The following MKLN1 variants were observed in gnomAD, a reference collection of about 807,000 sequenced individuals.
MKLN1 encodes the protein muskelin 1, also known as muskelin.
MKLN1 carries 18 observed loss-of-function variants against 99.0 expected under a neutral mutation model. That is an observed-to-expected ratio of 0.18 (90% CI 0.13 to 0.27). The LOEUF (loss-of-function observed/expected upper bound fraction) is 0.27. Ranked by LOEUF, MKLN1 falls within the 10% of genes least tolerant of loss-of-function variation. The probability of loss-of-function intolerance (pLI) is 1.00; values close to 1 mark genes in which losing one functional copy is unlikely to be tolerated. For missense variants in MKLN1, 621 were observed against 875.9 expected, an observed-to-expected ratio of 0.71 and a Z score of 3.67; for synonymous variants, 288 against 293.2, an observed-to-expected ratio of 0.98 and a Z score of 0.18.
intron 2 of MKLN1, among the ~76,000 whole-genome samples, chr7:131,179,037 T>G (rs889961008): frequency 2.0e-5 from 3 of 152,228 alleles, no homozygotes; most frequent in Non-Finnish European, 4.4e-5. Context: ...AAGTAGGAAG[T>G]TTTCTTCTGA....
chr7:131,407,243 T>C (rs141477004), intron 6 of MKLN1, among the ~76,000 whole-genome samples: 138 of 152,182 alleles, frequency 9.1e-4, no homozygotes, highest in Middle Eastern at 6.8e-3. Context: ...TGCCATTTCT[T>C]TTCCAACTAT....
chr7:131,443,929 A>G (rs1446746977), intron 11 of MKLN1, among the ~76,000 whole-genome samples: 2 of 152,140 alleles, frequency 1.3e-5, no homozygotes, highest in Non-Finnish European at 2.9e-5. Context: ...TCTTATGACT[A>G]ATTTCACTGC....
chr7:131,231,889 G>A (rs776113417), intron 3 of MKLN1, among the ~76,000 whole-genome samples: 5 of 151,968 alleles, frequency 3.3e-5, no homozygotes, highest in African/African-American at 4.8e-5. Flanking sequence ...CACAAATGTC[G>A]CAAAATAAAA....
intron 1 of MKLN1, among the ~76,000 whole-genome samples, chr7:131,350,258 G>A (rs1387384531): frequency 6.9e-6 from 1 of 145,790 alleles, no homozygotes; most frequent in East Asian, 2.0e-4. Context: ...TTGGGGTCTC[G>A]CTATGTTGCC....
intron 1 of MKLN1, among the ~76,000 whole-genome samples, chr7:131,362,014 G>A (rs1281692538): frequency 2.0e-5 from 3 of 152,032 alleles, no homozygotes; most frequent in East Asian, 3.9e-4. Context: ...CTCAAGGAAC[G>A]CTTTGTTAAC....
At chr7:131,147,048 A>G (rs550328492) in intron 2 of MKLN1, among the ~76,000 whole-genome samples, 2 of 151,884 alleles carry the variant, frequency 1.3e-5, no homozygotes, top group South Asian at 4.2e-4. Flanking sequence ...TTATTTATTT[A>G]TTTACTTTTA....
chr7:131,263,490 A>C (rs1323462941), intron 3 of MKLN1, among the ~76,000 whole-genome samples: 1 of 151,672 alleles, frequency 6.6e-6, no homozygotes, highest in East Asian at 1.9e-4. Context: ...ATGCCAGTGC[A>C]CTCCAGCCTG....
At chr7:131,244,126 G>T (rs1797449321) in intron 3 of MKLN1, among the ~76,000 whole-genome samples, 1 of 152,026 alleles carries the variant, frequency 6.6e-6, no homozygotes. Flanking sequence ...AAATCGAGTG[G>T]TACCCGATTT....
chr7:131,166,725 G>GC (rs1029833694), intron 2 of MKLN1, among the ~76,000 whole-genome samples: 1 of 152,114 alleles, frequency 6.6e-6, no homozygotes, highest in Non-Finnish European at 1.5e-5. Context: ...CGCTCTTGTT[G>GC]CCCAGGCTGG....
At chr7:131,417,637 ATTCCTCTTCTG>A (rs1795058342) in intron 8 of MKLN1, among the ~76,000 whole-genome samples, 1 of 152,232 alleles carries the variant, frequency 6.6e-6, no homozygotes, top group African/African-American at 2.4e-5. Flanking sequence ...TGGAGGTGGA[ATTCCTCTTCTG>A]TTTTTTTGTT....
At chr7:131,397,444 C>A in intron 5 of MKLN1, 68 bp downstream of exon 5, 1 of 784,486 alleles carries the variant, frequency 1.3e-6, no homozygotes, top group Non-Finnish European at 2.1e-6. Flanking sequence ...CTCTTATCTT[C>A]ATTGAGAATA....
chr7:131,198,729 G>A (rs1480532424), intron 2 of MKLN1, among the ~76,000 whole-genome samples: 1 of 151,984 alleles, frequency 6.6e-6, no homozygotes, highest in East Asian at 1.9e-4. Flanking sequence ...TGAACGGAGA[G>A]GTTTTAAAAA....
chr7:131,335,321 T>C (rs924695554), intron 1 of MKLN1, among the ~76,000 whole-genome samples: 3 of 152,172 alleles, frequency 2.0e-5, no homozygotes, highest in Non-Finnish European at 2.9e-5. Flanking sequence ...AACAAAGATA[T>C]TGTTTGTTTA....
intron 1 of MKLN1, among the ~76,000 whole-genome samples, chr7:131,134,881 T>C (rs1795624293): frequency 1.3e-5 from 2 of 152,202 alleles, no homozygotes; most frequent in African/African-American, 4.8e-5. Flanking sequence ...ATAGTTACTG[T>C]CTTCAGTATC....
intron 16 of MKLN1, among the ~76,000 whole-genome samples, chr7:131,478,012 T>G (rs1037591379): frequency 2.0e-5 from 3 of 152,246 alleles, no homozygotes; most frequent in Admixed American, 1.3e-4. Flanking sequence ...CATTGTCTGT[T>G]TTAAACTAAC....
At chr7:131,298,284 AG>A (rs1798325004) in intron 3 of MKLN1, among the ~76,000 whole-genome samples, 1 of 151,924 alleles carries the variant, frequency 6.6e-6, no homozygotes, top group Admixed American at 6.6e-5. Flanking sequence ...AAAAAAAAAA[AG>A]ATATGCACAT....
intron 2 of MKLN1, among the ~76,000 whole-genome samples, chr7:131,175,485 T>C (rs978741385): frequency 6.6e-6 from 1 of 152,222 alleles, no homozygotes; most frequent in African/African-American, 2.4e-5. Flanking sequence ...GAAGAATTGA[T>C]ACCCTAAAAT....
intron 2 of MKLN1, among the ~76,000 whole-genome samples, chr7:131,202,305 A>G (rs1796742393): frequency 6.6e-6 from 1 of 151,584 alleles, no homozygotes; most frequent in South Asian, 2.1e-4. Context: ...TAGTAGAGAC[A>G]GGGGTTTCAC....
chr7:131,260,795 C>T (rs770819955), intron 3 of MKLN1, among the ~76,000 whole-genome samples: 3 of 152,130 alleles, frequency 2.0e-5, no homozygotes, highest in Non-Finnish European at 4.4e-5. Context: ...GGTACAAAAA[C>T]AGACACATAG....
Sources: gnomAD v4.1 joint callset for allele counts (sites outside exome capture counted in the v4.1 genomes callset) on GRCh38, gnomAD v4.1.1 for gene constraint, MANE v1.5 for transcripts, NCBI Gene and HGNC (gene_info 2026-07-23, HGNC 2026-07-21) for gene names.